The following COLGALT1 variants were observed in gnomAD, a reference collection of about 807,000 sequenced individuals.
COLGALT1 encodes the protein procollagen galactosyltransferase 1.
COLGALT1 carries 43 observed loss-of-function variants against 60.8 expected under a neutral mutation model. The ratio of observed to expected loss-of-function variants is 0.71; its 90% confidence interval spans 0.55 to 0.91. The LOEUF is 0.91. COLGALT1 is among the 40% of genes least tolerant of loss of function. The pLI is 0.00. For synonymous variants in COLGALT1, 369 were observed against 374.2 expected (o/e 0.99, Z 0.16); for missense variants, 845 against 880.0 (o/e 0.96, Z 0.50).
intron 3 of COLGALT1, among the ~76,000 whole-genome samples, chr19:17,564,540 C>T (rs903964785): frequency 4.6e-5 from 7 of 151,326 alleles, no homozygotes; most frequent in East Asian, 1.9e-4. Flanking sequence ...CCTCAGCCTC[C>T]GGAGTACCTG....
intron 10 of COLGALT1, chr19:17,580,406 T>A: frequency 2.2e-6 from 1 of 458,974 alleles, no homozygotes; most frequent in Non-Finnish European, 4.0e-6. Flanking sequence ...CCACCCCCAC[T>A]GTCCTCTGAA....
chr19:17,573,218 A>AC (rs988762654), intron 6 of COLGALT1, among the ~76,000 whole-genome samples: 1 of 151,646 alleles, frequency 6.6e-6, no homozygotes, highest in African/African-American at 2.4e-5. Flanking sequence ...ACATAGTGAG[A>AC]CCCCATCTCT....
At chr19:17,572,452 C>G (rs747105163) in intron 5 of COLGALT1, 31 bp from the exon 6 acceptor site, 14 of 1,613,494 alleles carry the variant, frequency 8.7e-6, no homozygotes, top group Non-Finnish European at 1.2e-5. Context: ...CCTGTTTTTA[C>G]ATTTGTCTGT....
At chr19:17,560,950 A>G (rs1024125469) in intron 3 of COLGALT1, among the ~76,000 whole-genome samples, 1 of 151,868 alleles carries the variant, frequency 6.6e-6, no homozygotes, top group Non-Finnish European at 1.5e-5. Flanking sequence ...CATGCCTATA[A>G]TCCCAGCACT....
chr19:17,577,886 GGAATGGCCGGGGATGGCA>G, intron 8 of COLGALT1, 53 bp from the exon 9 acceptor site: 1 of 1,548,514 alleles, frequency 6.5e-7, no homozygotes, highest in Non-Finnish European at 8.7e-7. Flanking sequence ...AGGGGGTGGT[GGAATGGCCGGGGATGGCA>G]GAATGGCAGG....
rs200308237 is a variant in COLGALT1, at chr19:17,582,585, G to C, written c.*1141G>C. On this transcript the variant is annotated 3_prime_UTR_variant, in exon 12 of 12. Coordinates refer to ENST00000252599, the MANE Select transcript of COLGALT1 (RefSeq NM_024656.4). ...AGTGCTGGGGCACAGAGATGAACAA[G>C]ATCGGTTCCTTCACTTCTTCATGCC... The C allele has an allele frequency of 2.6e-5, 4 of 152,326 alleles. No homozygotes were observed. The highest frequency in any genetic ancestry group is 9.6e-5 in the African/African-American group (4 of 41,570). The allele number at this position is 152,326 out of a possible 1,614,324, so 9.4% of individuals were successfully genotyped here.
intron 2 of COLGALT1, among the ~76,000 whole-genome samples, chr19:17,560,069 C>T (rs201052687): frequency 7.2e-5 from 11 of 152,172 alleles, no homozygotes; most frequent in East Asian, 3.8e-4. Context: ...GGATCGCAGG[C>T]GTGGGCCACT....
rs776678147 is a variant in COLGALT1, at chr19:17,578,053, G to A, written c.1230G>A (p.Leu410=). 1 of 1,611,898 alleles carries A rather than the reference G, an allele frequency of 6.2e-7. No homozygotes were observed. The highest frequency in any genetic ancestry group is 2.2e-5 in the East Asian group (1 of 44,850). ...GCCGGCCCCTCACCAAGGGTGAGCTGGGCTGCTTCCTGAGCCACTACAACA... is the reference window on the plus strand; with the variant it reads ...GCCGGCCCCTCACCAAGGGTGAGCTAGGCTGCTTCCTGAGCCACTACAACA... ...YHGRPLTKGE[L]GCFLSHYNIW... Residue 410 remains leucine (L), a synonymous_variant, in exon 9 of 12, where the codon CTG becomes CTA. Coordinates refer to ENST00000252599, the MANE Select transcript of COLGALT1 (RefSeq NM_024656.4).
At chr19:17,567,262 GGGTCCCT>G in intron 3 of COLGALT1, 137 bp from the exon 4 acceptor site, 1 of 1,046,752 alleles carries the variant, frequency 9.6e-7, no homozygotes, top group East Asian at 2.5e-5. Context: ...CCCCAAAACG[GGGTCCCT>G]GCTTCATTTC....
In COLGALT1 at chr19:17,580,616, C is replaced by T. The variant is rs373031681; in HGVS notation, c.1395-83C>T. The T allele has an allele frequency of 4.2e-5, 58 of 1,375,914 alleles. 1 individual carries two copies. Among genetic ancestry groups the T allele is most frequent in the South Asian group, 1.7e-4 (14 of 81,194 alleles). 85.2% of individuals were successfully genotyped at this position (1,375,914 alleles called of 1,614,324 possible). A position where few individuals can be genotyped will look rare whatever the true frequency, so the allele number is the denominator to read the frequency against. ...AGCCTGCTCCCATCCCAGGACCTGA[C>T]GGGGTAACTAGATCCCTGGCTTTCT... On this transcript the variant is annotated intron_variant, in intron 10 of 11. Transcript: ENST00000252599.
intron 1 of COLGALT1, 31 bp downstream of exon 1, chr19:17,556,004 G>T: frequency 7.7e-7 from 1 of 1,293,280 alleles, no homozygotes; most frequent in East Asian, 3.1e-5. Context: ...CCATCAGGCG[G>T]GTCACGCGAG....
chr19:17,580,598 T>C (rs919656976), intron 10 of COLGALT1, 101 bp from the exon 11 acceptor site: 2 of 1,134,334 alleles, frequency 1.8e-6, no homozygotes, highest in South Asian at 1.4e-5. Context: ...CTGAGCCTGC[T>C]CCCATCCCAG....
At chr19:17,573,529 A>G (rs1177589855) in intron 6 of COLGALT1, among the ~76,000 whole-genome samples, 1 of 151,492 alleles carries the variant, frequency 6.6e-6, no homozygotes, top group East Asian at 1.9e-4. Context: ...CTCCGTCTCA[A>G]AAAAAAAAAT....
In COLGALT1 at chr19:17,559,352, T is replaced by C. The variant is rs1367498384; in HGVS notation, c.302T>C (p.Leu101Pro). 2 of 1,552,954 alleles carry C rather than the reference T, an allele frequency of 1.3e-6. No homozygotes were observed. The highest frequency in any genetic ancestry group is 2.4e-5 in the South Asian group (2 of 84,100). Reference protein sequence around the residue: ...DHNMDNTSTVLREWLVAVKSL... With the variant: ...DHNMDNTSTVPREWLVAVKSL... Reference sequence around the variant, plus strand: ...AACATGGATAACACGTCAACTGTGCTGCGGGAGTGGCTGGTGGCCGTGAAG... The same window carrying C: ...AACATGGATAACACGTCAACTGTGCCGCGGGAGTGGCTGGTGGCCGTGAAG... Residue 101 changes from leucine to proline, a missense_variant, in exon 2 of 12, where the codon CTG becomes CCG. Physicochemically the swap from Leu to Pro is moderately conservative, Grantham distance 98 (BLOSUM62 -3). Transcript: ENST00000252599.
intron 6 of COLGALT1, among the ~76,000 whole-genome samples, chr19:17,573,636 C>T (rs1599790084): frequency 1.3e-5 from 2 of 150,204 alleles, no homozygotes; most frequent in African/African-American, 2.5e-5. Context: ...AGTTGGAGGC[C>T]GCAGTGAGCC....
At chr19:17,578,178 A>C in intron 9 of COLGALT1, 89 bp downstream of exon 9, 2 of 1,385,876 alleles carry the variant, frequency 1.4e-6, no homozygotes, top group Non-Finnish European at 1.9e-6. Context: ...GAGTTCCCCA[A>C]AGCCCCGGCT....
intron 5 of COLGALT1, among the ~76,000 whole-genome samples, chr19:17,569,090 G>A (rs528121820): frequency 5.2e-4 from 79 of 152,120 alleles, no homozygotes; most frequent in African/African-American, 1.6e-3. Flanking sequence ...TTAGCCGGAC[G>A]TGGTGGTGCT....
chr19:17,581,511 C>T lies in COLGALT1; in HGVS notation c.*67C>T, dbSNP rs561662387. On this transcript the variant is annotated 3_prime_UTR_variant, in exon 12 of 12. Transcript: ENST00000252599. ...GGCTCCACGTGCTTACTGAGGACAT[C>T]AGGTCCACCTCTGGACCCCTTGGCA... 5.2e-6 allele frequency: 8 copies of T among 1,545,034 alleles called. No individual in the cohort carries two copies. The African/African-American group carries it at 6.8e-5, about 13-fold the overall frequency.
chr19:17,564,223 G>C (rs930324050), intron 3 of COLGALT1, among the ~76,000 whole-genome samples: 1 of 151,940 alleles, frequency 6.6e-6, no homozygotes, highest in East Asian at 1.9e-4. Flanking sequence ...ACTCCAGCTT[G>C]GGTGACAGAG....
Sources: allele counts gnomAD v4.1 joint callset (sites outside exome capture counted in the v4.1 genomes callset), GRCh38; gene constraint gnomAD v4.1.1; transcripts MANE v1.5; gene names NCBI Gene and HGNC (gene_info 2026-07-23, HGNC 2026-07-21).